CALD1: variants seen among roughly 807,000 people sequenced by gnomAD.
The protein encoded by CALD1 is caldesmon 1, also known as caldesmon.
CALD1 carries 33 observed loss-of-function variants against 99.9 expected under a neutral mutation model. The observed-to-expected ratio is 0.33, with a 90% CI of 0.25 to 0.44. The LOEUF is 0.44. Ranked by LOEUF, CALD1 falls within the 20% of genes least tolerant of loss-of-function variation. The pLI is 1.00. For missense variants in CALD1, 861 were observed against 962.1 expected (o/e 0.89, Z 1.39); for synonymous variants, 310 against 325.0 (o/e 0.95, Z 0.50).
chr7:134,848,447 T>G (rs1799943106), intron 2 of CALD1, among the ~76,000 whole-genome samples: 1 of 152,188 alleles, frequency 6.6e-6, no homozygotes, highest in African/African-American at 2.4e-5. Context: ...ACTAGTTTAA[T>G]ATATTTGGCT....
chr7:134,872,352 G>A (rs1395314709), intron 3 of CALD1, among the ~76,000 whole-genome samples: 13 of 112,140 alleles, frequency 1.2e-4, no homozygotes, highest in Admixed American at 3.5e-4. Context: ...AGTGAGACTC[G>A]GTCTCAAAAA....
intron 3 of CALD1, among the ~76,000 whole-genome samples, chr7:134,914,460 G>A (rs913220839): frequency 3.3e-5 from 5 of 152,184 alleles, no homozygotes; most frequent in African/African-American, 1.2e-4. Context: ...AGTGGAGATT[G>A]AAACTAGAAA....
intron 3 of CALD1, among the ~76,000 whole-genome samples, chr7:134,912,500 G>A (rs746066830): frequency 2.1e-4 from 32 of 152,140 alleles, no homozygotes; most frequent in African/African-American, 2.4e-4. Context: ...AGACCAGTGC[G>A]TCCTCAGCTC....
At chr7:134,784,838 G>A (rs908874466) in intron 1 of CALD1, among the ~76,000 whole-genome samples, 1 of 152,156 alleles carries the variant, frequency 6.6e-6, no homozygotes, top group Admixed American at 6.5e-5. Flanking sequence ...CCACTAGTGT[G>A]ACTCAGCTCA....
the CALD1 span, among the ~76,000 whole-genome samples, chr7:134,716,995 T>C: frequency 1.3e-5 from 2 of 152,234 alleles, no homozygotes; most frequent in Non-Finnish European, 2.9e-5. Context: ...TATATACTTA[T>C]CTTAGACTCT....
At chr7:134,834,013 A>G (rs1294033289) in intron 1 of CALD1, among the ~76,000 whole-genome samples, 1 of 152,244 alleles carries the variant, frequency 6.6e-6, no homozygotes, top group African/African-American at 2.4e-5. Flanking sequence ...TTGAATGAAT[A>G]TCAAGTTTAT....
chr7:134,952,217 C>A (rs1371907475), intron 9 of CALD1, among the ~76,000 whole-genome samples: 1 of 152,006 alleles, frequency 6.6e-6, no homozygotes, highest in Non-Finnish European at 1.5e-5. Context: ...AGGAGAACCA[C>A]TTGAACTTGG....
At position 134,816,174 on chromosome 7, in the gene CALD1, C is replaced by A. The variant is rs970196500; in HGVS notation, c.-129-27710C>A. Among the ~76,000 whole-genome samples, 3 of 152,244 alleles carry A rather than the reference C, an allele frequency of 2.0e-5. No individual in the cohort carries two copies. The East Asian group carries it at 5.8e-4, about 29-fold the overall frequency. ...GAATCATGCAAGAGTTTGTTATGCA[C>A]AAATATGGACTATAGGCTTTAAAAA... On this transcript the variant is annotated intron_variant, in intron 1 of 14. Coordinates refer to ENST00000361675, the MANE Select transcript of CALD1 (RefSeq NM_033138.4).
intron 1 of CALD1, among the ~76,000 whole-genome samples, chr7:134,791,080 A>C (rs199688700): frequency 0.59 from 90,056 of 152,102 alleles, 27,386 homozygotes; most frequent in East Asian, 0.84. Flanking sequence ...AAGAAATAAA[A>C]TCAGAAATAC....
At chr7:134,898,274 A>T (rs559699139) in intron 3 of CALD1, among the ~76,000 whole-genome samples, 2 of 152,338 alleles carry the variant, frequency 1.3e-5, no homozygotes, top group African/African-American at 4.8e-5. Context: ...AACATCCAGT[A>T]TAATAATGTG....
At position 134,960,414 on chromosome 7, in the gene CALD1, G is replaced by A; in HGVS notation, c.2200-119G>A. On this transcript the variant is annotated intron_variant, in intron 12 of 14. Coordinates refer to ENST00000361675, the MANE Select transcript of CALD1 (RefSeq NM_033138.4). ...ATAACATATTCTGTAAATATCAAGT[G>A]TTAAGGTTTATGGTTATGTGAAATC... The A allele has an allele frequency of 6.9e-6, 5 of 722,762 alleles. No homozygotes were observed. In the South Asian group the frequency reaches 8.5e-5, roughly 12 times the overall value. The allele number at this position is 722,762 out of a possible 1,614,324, so 44.8% of individuals were successfully genotyped here. A position where few individuals can be genotyped will look rare whatever the true frequency, so the allele number is the denominator to read the frequency against.
intron 3 of CALD1, among the ~76,000 whole-genome samples, chr7:134,908,813 T>C (rs1803585438): frequency 6.6e-6 from 1 of 151,652 alleles, no homozygotes; most frequent in African/African-American, 2.4e-5. Context: ...CTCAAGAAAA[T>C]ACTATATATA....
At chr7:134,851,259 G>A (rs11768423) in intron 2 of CALD1, among the ~76,000 whole-genome samples, 5,243 of 152,212 alleles carry the variant, frequency 0.034, 102 homozygotes, top group Non-Finnish European at 0.047. Context: ...ATAAATGAAT[G>A]ATCCCATAAT....
At chr7:134,733,845 G>T in the CALD1 span, among the ~76,000 whole-genome samples, 2 of 117,244 alleles carry the variant, frequency 1.7e-5, no homozygotes, top group Non-Finnish European at 3.6e-5. Context: ...AACAAAATAG[G>T]TCTGCTAAAT....
chr7:134,945,580 G>A (rs1182970515), intron 7 of CALD1, among the ~76,000 whole-genome samples: 1 of 152,132 alleles, frequency 6.6e-6, no homozygotes, highest in Non-Finnish European at 1.5e-5. Flanking sequence ...GTAAGATGGG[G>A]ATAATAAACC....
At chr7:134,868,553 C>T (rs528141585) in intron 3 of CALD1, among the ~76,000 whole-genome samples, 1 of 152,248 alleles carries the variant, frequency 6.6e-6, no homozygotes, top group South Asian at 2.1e-4. Flanking sequence ...AAACAATGAC[C>T]TTAAAATCAA....
chr7:134,881,532 T>G (rs1801601238), intron 3 of CALD1, among the ~76,000 whole-genome samples: 1 of 72,152 alleles, frequency 1.4e-5, no homozygotes, highest in South Asian at 4.2e-4. Context: ...ATCGAAAGTA[T>G]AAAGGGTAAT....
chr7:134,797,625 G>T (rs941378722), intron 1 of CALD1, among the ~76,000 whole-genome samples: 34 of 152,078 alleles, frequency 2.2e-4, no homozygotes, highest in African/African-American at 8.2e-4. Context: ...ACGGAGTCTT[G>T]CTCTGTGGCC....
At chr7:134,773,470 C>T (rs571776400) in intron 1 of CALD1, among the ~76,000 whole-genome samples, 1 of 152,080 alleles carries the variant, frequency 6.6e-6, no homozygotes. Context: ...GACAGGGTTT[C>T]GCCCTGTTGC....
Sources: allele counts gnomAD v4.1 joint callset (sites outside exome capture counted in the v4.1 genomes callset), GRCh38; gene constraint gnomAD v4.1.1; transcripts MANE v1.5; gene names NCBI Gene and HGNC (gene_info 2026-07-23, HGNC 2026-07-21).